Variants in PRICKLE1 observed in about 807,000 individuals in gnomAD.
PRICKLE1 encodes the protein prickle planar cell polarity protein 1, also known as prickle-like protein 1.
PRICKLE1 carries 14 observed loss-of-function variants against 70.2 expected under a neutral mutation model. The observed-to-expected ratio is 0.20, with a 90% CI of 0.13 to 0.31. The LOEUF is 0.31. PRICKLE1 is among the 10% of genes least tolerant of loss of function. PRICKLE1 has a pLI of 1.00. For synonymous variants in PRICKLE1, 357 were observed against 379.9 expected, an observed-to-expected ratio of 0.94 and a Z score of 0.70; for missense variants, 821 against 1,026.2, an observed-to-expected ratio of 0.80 and a Z score of 2.73.
At chr12:42,465,884 G>A in intron 6 of PRICKLE1, 1 of 455,948 alleles carries the variant, frequency 2.2e-6, no homozygotes, top group South Asian at 2.2e-5. Context: ...ATGTATTGAT[G>A]GGTTGATGAA....
intron 1 of PRICKLE1, among the ~76,000 whole-genome samples, chr12:42,525,480 A>G (rs1427775936): frequency 6.6e-6 from 1 of 152,292 alleles, no homozygotes; most frequent in East Asian, 1.9e-4. Flanking sequence ...AAAGTGGGGA[A>G]AGAAGTCCTG....
intron 1 of PRICKLE1, among the ~76,000 whole-genome samples, chr12:42,513,353 C>T (rs1939549310): frequency 6.6e-6 from 1 of 152,188 alleles, no homozygotes; most frequent in South Asian, 2.1e-4. Flanking sequence ...ATTTTGTTCA[C>T]TGATGTAGCT....
chr12:42,559,641 G>T (rs1480542417), intron 1 of PRICKLE1, among the ~76,000 whole-genome samples: 4 of 78,930 alleles, frequency 5.1e-5, no homozygotes, highest in East Asian at 3.0e-4. Context: ...TTTTTTGGGG[G>T]GGGTAGAGAT....
chr12:42,475,213 A>C lies in PRICKLE1; in HGVS notation c.-48-2649T>G, dbSNP rs115762107. On this transcript the variant is annotated intron_variant, in intron 1 of 7. Coordinates refer to ENST00000345127, the MANE Select transcript of PRICKLE1 (RefSeq NM_153026.3). ...AGGATTGACTGTCATTCATGCACAAAGTAAAGAGTCCAACTGAAGGACATG... is the reference window on the plus strand; with the variant it reads ...AGGATTGACTGTCATTCATGCACAACGTAAAGAGTCCAACTGAAGGACATG... 5.7e-3 allele frequency among the ~76,000 whole-genome samples: 875 copies of C among 152,326 alleles called. 11 individuals are homozygous for C. The highest frequency in any genetic ancestry group is 0.02 in the African/African-American group (838 of 41,568).
intron 1 of PRICKLE1, among the ~76,000 whole-genome samples, chr12:42,553,300 C>T (rs1267106156): frequency 2.6e-5 from 4 of 151,844 alleles, no homozygotes; most frequent in African/African-American, 7.3e-5. Flanking sequence ...AAAAATTAGC[C>T]GGGCGTGGTA....
chr12:42,579,535 A>C (rs1435582856), intron 1 of PRICKLE1, among the ~76,000 whole-genome samples: 2 of 152,212 alleles, frequency 1.3e-5, no homozygotes, highest in Non-Finnish European at 2.9e-5. Flanking sequence ...ATAATAATTA[A>C]AGAGAGTTTT....
chr12:42,508,896 C>T (rs146686664), intron 1 of PRICKLE1, among the ~76,000 whole-genome samples: 149 of 152,312 alleles, frequency 9.8e-4, no homozygotes, highest in African/African-American at 3.3e-3. Context: ...CAGATGATCT[C>T]TAAGTTCTTT....
At chr12:42,549,212 C>T (rs953148961) in intron 1 of PRICKLE1, among the ~76,000 whole-genome samples, 6 of 146,458 alleles carry the variant, frequency 4.1e-5, no homozygotes, top group African/African-American at 1.5e-4. Flanking sequence ...TATTAATGAA[C>T]AATTTGCTAC....
At chr12:42,521,180 A>G (rs916731321) in intron 1 of PRICKLE1, among the ~76,000 whole-genome samples, 4 of 152,156 alleles carry the variant, frequency 2.6e-5, no homozygotes, top group Non-Finnish European at 4.4e-5. Context: ...CGTCTTAAAA[A>G]AAATAAAATA....
chr12:42,461,781 A>G (rs1056808289), intron 7 of PRICKLE1, among the ~76,000 whole-genome samples: 2 of 152,238 alleles, frequency 1.3e-5, no homozygotes, highest in South Asian at 2.1e-4. Flanking sequence ...ACTGTTGTCA[A>G]CTGGAGACTA....
chr12:42,460,116 A>T lies in PRICKLE1; in HGVS notation c.2189T>A (p.Leu730His), dbSNP rs777329767. The change falls in exon 8 of 8, where the codon CTC (leucine) becomes CAC (histidine). Residue 730 changes from leucine to histidine, a missense_variant. By Grantham distance (99) the Leu-to-His change is moderately conservative (BLOSUM62 -3). Transcript: ENST00000345127. The part of the protein sequence containing the change: ...EIQAYIQNAD[L>H]YGQYAHATSD... ...AGTGGCATGGGCGTACTGTCCGTAGAGATCAGCATTCTGGATGTATGCTTG... is the reference window on the plus strand; with the variant it reads ...AGTGGCATGGGCGTACTGTCCGTAGTGATCAGCATTCTGGATGTATGCTTG... 3 of 1,614,026 alleles carry T rather than the reference A, an allele frequency of 1.9e-6. No homozygotes were observed. In the East Asian group the frequency reaches 6.7e-5, roughly 36 times the overall value.
intron 1 of PRICKLE1, among the ~76,000 whole-genome samples, chr12:42,574,411 C>G (rs1334314003): frequency 6.6e-6 from 1 of 152,136 alleles, no homozygotes; most frequent in Non-Finnish European, 1.5e-5. Flanking sequence ...CACTCTGAAC[C>G]CCACTGTCTG....
At chr12:42,550,897 G>A (rs1940303141) in intron 1 of PRICKLE1, among the ~76,000 whole-genome samples, 1 of 152,166 alleles carries the variant, frequency 6.6e-6, no homozygotes, top group East Asian at 1.9e-4. Context: ...TGAAGTACTA[G>A]GGCTGAACTC....
chr12:42,545,359 T>C (rs1940189445), intron 1 of PRICKLE1, among the ~76,000 whole-genome samples: 1 of 152,142 alleles, frequency 6.6e-6, no homozygotes, highest in South Asian at 2.1e-4. Context: ...TGAAAAAAAC[T>C]TGTTGAATGT....
intron 1 of PRICKLE1, among the ~76,000 whole-genome samples, chr12:42,548,849 G>A (rs536868154): frequency 1.0e-3 from 152 of 152,270 alleles, no homozygotes; most frequent in African/African-American, 2.7e-3. Context: ...GGCCGGGCGC[G>A]GTGGCTCATG....
chr12:42,476,076 G>C (rs1938516395), intron 1 of PRICKLE1, among the ~76,000 whole-genome samples: 1 of 118,814 alleles, frequency 8.4e-6, no homozygotes, highest in African/African-American at 3.1e-5. Flanking sequence ...TGGGTGACAA[G>C]AGCAAAACTC....
intron 1 of PRICKLE1, among the ~76,000 whole-genome samples, chr12:42,562,579 G>T (rs1035911197): frequency 6.6e-6 from 1 of 151,918 alleles, no homozygotes; most frequent in African/African-American, 2.4e-5. Context: ...AATGAGAAAT[G>T]ATTAACTGTA....
intron 1 of PRICKLE1, among the ~76,000 whole-genome samples, chr12:42,524,218 T>A (rs1939761735): frequency 6.6e-6 from 1 of 152,214 alleles, no homozygotes; most frequent in Non-Finnish European, 1.5e-5. Context: ...CACTGCATAT[T>A]ATAGAAAAAT....
chr12:42,549,119 CAAAAAAAAAAAA>C (rs34355848), intron 1 of PRICKLE1, among the ~76,000 whole-genome samples: 1 of 53,968 alleles, frequency 1.9e-5, no homozygotes, highest in East Asian at 8.3e-4. Flanking sequence ...ACCCTGTCTC[CAAAAAAAAAAAA>C]AAAAAAAAAA....
Sources: allele counts gnomAD v4.1 joint callset (sites outside exome capture counted in the v4.1 genomes callset), GRCh38; gene constraint gnomAD v4.1.1; transcripts MANE v1.5; gene names NCBI Gene and HGNC (gene_info 2026-07-23, HGNC 2026-07-21).